The following MARK2 variants were observed in gnomAD, a reference collection of about 807,000 sequenced individuals.
The protein encoded by MARK2 is serine/threonine-protein kinase MARK2.
Under a neutral mutation model 89.8 loss-of-function variants are expected in MARK2, and 16 were observed. The observed-to-expected ratio is 0.18, with a 90% CI of 0.12 to 0.27. MARK2 has a LOEUF of 0.27. Ranked by LOEUF, MARK2 falls within the 10% of genes least tolerant of loss-of-function variation. The pLI is 1.00. For missense variants in MARK2, 621 were observed against 1,049.9 expected, an observed-to-expected ratio of 0.59 and a Z score of 5.65; for synonymous variants, 382 against 399.5, an observed-to-expected ratio of 0.96 and a Z score of 0.52.
At chr11:63,844,887 C>T (rs1026176637) in intron 1 of MARK2, among the ~76,000 whole-genome samples, 11 of 152,326 alleles carry the variant, frequency 7.2e-5, no homozygotes, top group African/African-American at 2.6e-4. Flanking sequence ...TCTCTTCTCC[C>T]AGGAGCTTCC....
intron 1 of MARK2, among the ~76,000 whole-genome samples, chr11:63,889,278 T>C (rs1179467228): frequency 6.6e-6 from 1 of 152,150 alleles, no homozygotes; most frequent in Non-Finnish European, 1.5e-5. Context: ...TCTGGGGCCA[T>C]TGCCCAGGAC....
chr11:63,862,205 A>G (rs772785970), intron 1 of MARK2, among the ~76,000 whole-genome samples: 24 of 152,082 alleles, frequency 1.6e-4, no homozygotes, highest in Non-Finnish European at 2.8e-4. Context: ...GATTACAGGC[A>G]TGAGCCACCA....
intron 1 of MARK2, among the ~76,000 whole-genome samples, chr11:63,856,308 G>GTTTTTTTTTTTTTTTTTTTTTTTTTTT (rs771771264): frequency 1.1e-5 from 1 of 87,248 alleles, no homozygotes; most frequent in Non-Finnish European, 2.4e-5. Context: ...GGCCCTGTGG[G>GTTTTTTTTTTTTTTTTTTTTTTTTTTT]TTTTTTTTTT....
At chr11:63,863,764 GC>G (rs1937959082) in intron 1 of MARK2, among the ~76,000 whole-genome samples, 1 of 147,772 alleles carries the variant, frequency 6.8e-6, no homozygotes, top group Non-Finnish European at 1.5e-5. Flanking sequence ...GTGCCCCCCC[GC>G]CCCACACCAC....
intron 1 of MARK2, among the ~76,000 whole-genome samples, chr11:63,887,176 G>C (rs1939451068): frequency 6.6e-6 from 1 of 152,218 alleles, no homozygotes; most frequent in African/African-American, 2.4e-5. Context: ...GGAGGAGCCA[G>C]GGGCTTATCT....
At chr11:63,906,035 G>GT (rs913291867) in intron 16 of MARK2, 53 bp from the exon 17 acceptor site, 9,944 of 1,160,346 alleles carry the variant, frequency 8.6e-3, no homozygotes, top group South Asian at 0.019. Context: ...CGTCTTGTTG[G>GT]TTTTTTTTTT....
rs369075760 is a variant in MARK2 at position 63,896,737 on chromosome 11, A to C, written c.288+1104A>C. On this transcript the variant is annotated intron_variant, in intron 3 of 18. Coordinates refer to ENST00000402010, the MANE Select transcript of MARK2 (RefSeq NM_001039469.3). ...GTTCAGTAGAAACATTGTTGTCATC[A>C]TCAGGGTGTCTCTGCTTGAAGCTTT... Among the ~76,000 whole-genome samples the C allele has an allele frequency of 1.3e-3, 205 of 152,274 alleles. 2 individuals are homozygous for C. The Middle Eastern group carries it at 0.014, about 10-fold the overall frequency.
chr11:63,864,137 G>A (rs1267418975), intron 1 of MARK2, among the ~76,000 whole-genome samples: 1 of 151,538 alleles, frequency 6.6e-6, no homozygotes, highest in Non-Finnish European at 1.5e-5. Context: ...TGTATTTTTA[G>A]TAGAGACAGG....
At position 63,900,539 on chromosome 11, in the gene MARK2, A is replaced by G. The variant is rs774508914; in HGVS notation, c.769-20A>G. ...GGCCTTGGGGTGATTTCAATTTTCT[A>G]ACCCTGGATCCTCCTGCAGGAGCTG... is the stretch of plus-strand genomic sequence containing the variant. On this transcript the variant is annotated intron_variant, in intron 8 of 18. Transcript: ENST00000402010. The surrounding 1 kb of genome is among the most constrained non-coding windows in gnomAD (Gnocchi z 4.7). The G allele has an allele frequency of 8.1e-6, 13 of 1,611,990 alleles. No homozygotes were observed. The East Asian group carries it at 2.9e-4, about 36-fold the overall frequency.
intron 1 of MARK2, among the ~76,000 whole-genome samples, chr11:63,839,917 G>A (rs1370684012): frequency 6.6e-6 from 1 of 151,894 alleles, no homozygotes; most frequent in Non-Finnish European, 1.5e-5. Flanking sequence ...CCCGCTCCTC[G>A]AATAGCAGCA....
At chr11:63,863,405 C>G (rs1198864102) in intron 1 of MARK2, among the ~76,000 whole-genome samples, 1 of 151,930 alleles carries the variant, frequency 6.6e-6, no homozygotes, top group Non-Finnish European at 1.5e-5. Flanking sequence ...TTTTAAGATG[C>G]CAGCATGGGG....
At chr11:63,888,521 C>T (rs1348254038) in intron 1 of MARK2, 11 of 1,018,340 alleles carry the variant, frequency 1.1e-5, no homozygotes, top group Admixed American at 5.5e-5. Flanking sequence ...GGAAGTTGAT[C>T]TAAACCCGCC....
chr11:63,856,337 T>A (rs1209862137), intron 1 of MARK2, among the ~76,000 whole-genome samples: 95 of 55,116 alleles, frequency 1.7e-3, no homozygotes, highest in African/African-American at 3.3e-3. Flanking sequence ...TTTTTTTTTT[T>A]AAATATATGG....
At chr11:63,886,647 C>T (rs1939417599) in intron 1 of MARK2, among the ~76,000 whole-genome samples, 1 of 152,206 alleles carries the variant, frequency 6.6e-6, no homozygotes. Context: ...TGGTCTCGAA[C>T]TCCTGACCTC....
At chr11:63,878,090 C>T (rs369422253) in intron 1 of MARK2, among the ~76,000 whole-genome samples, 2 of 152,224 alleles carry the variant, frequency 1.3e-5, no homozygotes, top group African/African-American at 4.8e-5. Context: ...GCCCCCGCAT[C>T]GGTTGCCTAG....
chr11:63,884,905 C>T (rs1342254783), intron 1 of MARK2, among the ~76,000 whole-genome samples: 2 of 152,264 alleles, frequency 1.3e-5, no homozygotes, highest in South Asian at 2.1e-4. Context: ...CTCCCAGTTA[C>T]AAGATGTCCC....
At chr11:63,890,054 AAG>A (rs1364169598) in intron 1 of MARK2, among the ~76,000 whole-genome samples, 2 of 152,214 alleles carry the variant, frequency 1.3e-5, no homozygotes, top group African/African-American at 4.8e-5. Flanking sequence ...AGAACCAAAA[AAG>A]AGAAACTCTC....
intron 1 of MARK2, among the ~76,000 whole-genome samples, chr11:63,891,135 ATTC>A (rs947944280): frequency 1.3e-5 from 2 of 149,316 alleles, no homozygotes; most frequent in Admixed American, 6.7e-5. Context: ...TTTTAAATAT[ATTC>A]TTTTTTTTTT....
At chr11:63,878,175 G>A (rs77049197) in intron 1 of MARK2, among the ~76,000 whole-genome samples, 1 of 152,104 alleles carries the variant, frequency 6.6e-6, no homozygotes, top group Non-Finnish European at 1.5e-5. Flanking sequence ...TTCTCCTCTA[G>A]CTGGAAGTTG....
Sources: gnomAD v4.1 joint callset for allele counts (sites outside exome capture counted in the v4.1 genomes callset) on GRCh38, gnomAD v4.1.1 for gene constraint, Gnocchi (gnomAD v3.1) non-coding constraint, MANE v1.5 for transcripts, NCBI Gene and HGNC (gene_info 2026-07-23, HGNC 2026-07-21) for gene names.